Variants in MRPL14 observed in about 807,000 individuals in gnomAD.
MRPL14 encodes mitochondrial ribosomal protein L14.
In MRPL14, 8 loss-of-function variants were observed where a neutral mutation model predicts 10.9. That is an observed-to-expected ratio of 0.74 (90% confidence interval 0.43 to 1.33). The LOEUF (loss-of-function observed/expected upper bound fraction) is 1.33, where lower values mean the gene tolerates loss of function less well. Ranked by LOEUF, MRPL14 falls within the 40% of genes most tolerant of loss-of-function variation. The pLI is 0.01. For synonymous variants in MRPL14, 82 were observed against 74.1 expected (o/e 1.11, Z -0.54); for missense variants, 179 against 194.5 (o/e 0.92, Z 0.47).
At chr6:44,126,497 G>A (rs1777065521) in intron 1 of MRPL14, among the ~76,000 whole-genome samples, 1 of 152,188 alleles carries the variant, frequency 6.6e-6, no homozygotes, top group Non-Finnish European at 1.5e-5. Context: ...CTTCTGTTCA[G>A]CAGTGGCAGT....
rs199759175 is a variant in MRPL14, at chr6:44,114,151, T to C, written c.130A>G (p.Ser44Gly). 1 of 1,613,990 alleles carries C rather than the reference T, an allele frequency of 6.2e-7. No homozygotes were observed. Among genetic ancestry groups the C allele is most frequent in the Non-Finnish European group, 8.5e-7 (1 of 1,180,016 alleles). Reference protein sequence around the residue: ...KMTRVRVVDNSALGNSPYHRA... With the variant: ...KMTRVRVVDNGALGNSPYHRA... ...TGGTATGGGCTGTTCCCCAGGGCAC[T>C]GTTGTCCACCACTCGTACCCGCGTC... The change falls in exon 3 of 3, where the codon AGT (serine) becomes GGT (glycine). Residue 44 changes from serine (S) to glycine (G), a missense_variant. Coordinates refer to ENST00000372014, the MANE Select transcript of MRPL14 (RefSeq NM_032111.4).
intron 1 of MRPL14, among the ~76,000 whole-genome samples, chr6:44,119,928 G>A (rs9369454): frequency 0.088 from 13,286 of 151,704 alleles, 841 homozygotes; most frequent in East Asian, 0.26. Context: ...TCTCAACACC[G>A]CACTGCTTCC....
At chr6:44,114,663 C>A (rs534537985) in intron 2 of MRPL14, among the ~76,000 whole-genome samples, 1 of 152,138 alleles carries the variant, frequency 6.6e-6, no homozygotes, top group Non-Finnish European at 1.5e-5. Context: ...GGCTAGAGTG[C>A]GGTGGCGCCA....
In MRPL14 at chr6:44,113,468, G is replaced by T. The variant is rs577476342; in HGVS notation, c.*375C>A. On this transcript the variant is annotated 3_prime_UTR_variant, in exon 3 of 3. Transcript: ENST00000372014. Reference sequence around the variant, plus strand: ...CAAATATCTTTTGGTTAGAGCCATGGTACATTTATAAATTGGCATTTGGTG... The same window carrying T: ...CAAATATCTTTTGGTTAGAGCCATGTTACATTTATAAATTGGCATTTGGTG... 4.4e-4 allele frequency: 77 copies of T among 173,312 alleles called. No homozygotes were observed. Among genetic ancestry groups the T allele is most frequent in the Admixed American group, 1.2e-3 (20 of 16,098 alleles). The allele number at this position is 173,312 out of a possible 1,614,324, so 10.7% of individuals were successfully genotyped here. A position where few individuals can be genotyped will look rare whatever the true frequency, so the allele number is the denominator to read the frequency against.
At chr6:44,116,049 T>A (rs1775815218) in intron 2 of MRPL14, among the ~76,000 whole-genome samples, 1 of 152,214 alleles carries the variant, frequency 6.6e-6, no homozygotes, top group Non-Finnish European at 1.5e-5. Flanking sequence ...GCTCAGGAAA[T>A]GCCTGTGGGA....
chr6:44,115,936 G>A (rs1043265929), intron 2 of MRPL14, among the ~76,000 whole-genome samples: 4 of 152,194 alleles, frequency 2.6e-5, no homozygotes, highest in African/African-American at 9.7e-5. Context: ...CATTTTCTTA[G>A]AGTTACTTAT....
chr6:44,121,480 G>A (rs992851128), intron 1 of MRPL14, among the ~76,000 whole-genome samples: 9 of 152,356 alleles, frequency 5.9e-5, no homozygotes, highest in Non-Finnish European at 7.3e-5. Context: ...GGAGGACTAT[G>A]GATTTCAATG....
At chr6:44,121,921 A>G (rs1253550977) in intron 1 of MRPL14, among the ~76,000 whole-genome samples, 1 of 142,090 alleles carries the variant, frequency 7.0e-6, no homozygotes, top group African/African-American at 2.7e-5. Context: ...CCTAGGCAAC[A>G]GAGTAAGACT....
chr6:44,126,066 C>T (rs998072971), intron 1 of MRPL14, among the ~76,000 whole-genome samples: 3 of 152,232 alleles, frequency 2.0e-5, no homozygotes, highest in African/African-American at 7.2e-5. Context: ...TTGTTCTTTA[C>T]TGTATATTCC....
In MRPL14 at chr6:44,113,643, G is replaced by A; in HGVS notation, c.*200C>T. 3.6e-6 allele frequency: 2 copies of A among 548,400 alleles called. No individual in the cohort carries two copies. Among genetic ancestry groups the A allele is most frequent in the Non-Finnish European group, 5.8e-6 (2 of 342,412 alleles). 34.0% of individuals were successfully genotyped at this position (548,400 alleles called of 1,614,324 possible). Reference sequence around the variant, plus strand: ...GACTCGGGTAAGCCACCTTTCAACTGCTTCAGTGTAATTTATTTTCCCACA... The same window carrying A: ...GACTCGGGTAAGCCACCTTTCAACTACTTCAGTGTAATTTATTTTCCCACA... On this transcript the variant is annotated 3_prime_UTR_variant, in exon 3 of 3. Transcript: ENST00000372014.
chr6:44,117,216 A>G (rs1775935298), intron 1 of MRPL14, among the ~76,000 whole-genome samples: 1 of 93,150 alleles, frequency 1.1e-5, no homozygotes, highest in African/African-American at 6.3e-5. Context: ...TATTTGGGTC[A>G]GTCTCCCAAA....
intron 1 of MRPL14, among the ~76,000 whole-genome samples, chr6:44,119,400 C>T (rs1172635333): frequency 2.0e-5 from 3 of 151,816 alleles, no homozygotes; most frequent in African/African-American, 7.3e-5. Flanking sequence ...TGGTGGCGGC[C>T]GCCTGTAGTC....
At chr6:44,115,168 A>C (rs1051592977) in intron 2 of MRPL14, among the ~76,000 whole-genome samples, 1 of 138,018 alleles carries the variant, frequency 7.2e-6, no homozygotes, top group Non-Finnish European at 1.5e-5. Flanking sequence ...TCCGCAGGGT[A>C]ATCCTAGGAC....
At chr6:44,117,127 A>C (rs968462798) in intron 1 of MRPL14, among the ~76,000 whole-genome samples, 4 of 152,208 alleles carry the variant, frequency 2.6e-5, no homozygotes, top group African/African-American at 4.8e-5. Flanking sequence ...CCAAATGTAA[A>C]GGCCAGAACA....
intron 1 of MRPL14, among the ~76,000 whole-genome samples, chr6:44,119,519 C>T (rs1193699519): frequency 6.6e-6 from 1 of 151,032 alleles, no homozygotes; most frequent in African/African-American, 2.4e-5. Flanking sequence ...TACAGTGAGA[C>T]TCCATCTCAA....
At chr6:44,119,321 G>A (rs945049689) in intron 1 of MRPL14, among the ~76,000 whole-genome samples, 3 of 152,172 alleles carry the variant, frequency 2.0e-5, no homozygotes, top group African/African-American at 7.2e-5. Flanking sequence ...CCAAGGTCAG[G>A]AGTTTGAGAC....
At chr6:44,114,551 G>C (rs1272399344) in intron 2 of MRPL14, among the ~76,000 whole-genome samples, 2 of 152,200 alleles carry the variant, frequency 1.3e-5, no homozygotes, top group Non-Finnish European at 2.9e-5. Flanking sequence ...TCCCTTATGG[G>C]CTAGGCCTCA....
intron 1 of MRPL14, among the ~76,000 whole-genome samples, chr6:44,125,560 G>A (rs771389850): frequency 2.0e-5 from 3 of 148,926 alleles, no homozygotes; most frequent in Non-Finnish European, 3.0e-5. Flanking sequence ...GGAGGCTGAG[G>A]CATAAGAATT....
Position 44,113,492 on chromosome 6 carries a change from T to A in MRPL14, c.*351A>T. 1 of 191,720 alleles carries A rather than the reference T, an allele frequency of 5.2e-6. No individual in the cohort carries two copies. The highest frequency in any genetic ancestry group is 1.1e-5 in the Non-Finnish European group (1 of 95,088). 11.9% of individuals were successfully genotyped at this position (191,720 alleles called of 1,614,324 possible). A position where few individuals can be genotyped will look rare whatever the true frequency, so the allele number is the denominator to read the frequency against. ...GGTACATTTATAAATTGGCATTTGG[T>A]GTGTACCTCAGTTTTCCAGGGCCTG... On this transcript the variant is annotated 3_prime_UTR_variant, in exon 3 of 3. Coordinates refer to ENST00000372014, the MANE Select transcript of MRPL14 (RefSeq NM_032111.4).
Sources: gnomAD v4.1 joint callset for allele counts (sites outside exome capture counted in the v4.1 genomes callset) on GRCh38, gnomAD v4.1.1 for gene constraint, MANE v1.5 for transcripts, NCBI Gene and HGNC (gene_info 2026-07-23, HGNC 2026-07-21) for gene names.